Variants in SLC25A18 observed in about 807,000 individuals in gnomAD.
SLC25A18 encodes mitochondrial glutamate carrier 2.
Under a neutral mutation model 31.1 loss-of-function variants are expected in SLC25A18, and 24 were observed. The observed-to-expected ratio is 0.77, with a 90% CI of 0.56 to 1.08. SLC25A18 has a LOEUF of 1.08. Among genes scored for constraint, SLC25A18 ranks in the 50% least tolerant of loss-of-function variants. SLC25A18 has a pLI of 0.00. For synonymous variants in SLC25A18, 173 were observed against 161.9 expected (o/e 1.07, Z -0.52); for missense variants, 371 against 418.5 (o/e 0.89, Z 0.99).
At chr22:17,577,572 CCTGT>C (rs533059006) in intron 2 of SLC25A18, among the ~76,000 whole-genome samples, 10 of 145,054 alleles carry the variant, frequency 6.9e-5, no homozygotes, top group African/African-American at 1.0e-4. Flanking sequence ...ACAGTTGTGT[CCTGT>C]CTATTTTTTT....
chr22:17,564,955 C>G (rs969399211), intron 1 of SLC25A18, among the ~76,000 whole-genome samples: 8 of 152,058 alleles, frequency 5.3e-5, no homozygotes, highest in Admixed American at 4.6e-4. Flanking sequence ...CACCTGTGAT[C>G]CCAGCTACTC....
chr22:17,570,108 T>C, intron 2 of SLC25A18, 122 bp downstream of exon 2: 4 of 694,876 alleles, frequency 5.8e-6, no homozygotes, highest in Non-Finnish European at 7.1e-6. Flanking sequence ...TCCCATTTGT[T>C]GGATAGAGTC....
intron 1 of SLC25A18, among the ~76,000 whole-genome samples, chr22:17,564,595 C>G (rs1377020247): frequency 1.3e-5 from 2 of 152,106 alleles, no homozygotes; most frequent in Non-Finnish European, 2.9e-5. Flanking sequence ...GGCGCGGTGG[C>G]TCACACCTGT....
intron 1 of SLC25A18, among the ~76,000 whole-genome samples, chr22:17,566,578 A>G (rs1296807): frequency 0.15 from 22,099 of 151,904 alleles, 1,807 homozygotes; most frequent in Non-Finnish European, 0.18. Context: ...ATGCCCAGTT[A>G]ATTTTGTATT....
intron 4 of SLC25A18, 53 bp from the exon 5 acceptor site, chr22:17,581,305 G>A: frequency 6.2e-7 from 1 of 1,610,202 alleles, no homozygotes; most frequent in Non-Finnish European, 8.5e-7. Flanking sequence ...AGGGCATGGA[G>A]GCGGCTGGGA....
At chr22:17,587,787 G>C in intron 8 of SLC25A18, 138 bp from the exon 9 acceptor site, 1 of 1,048,848 alleles carries the variant, frequency 9.5e-7, no homozygotes. Context: ...CCACGCTCAC[G>C]GGGCACAAAA....
intron 9 of SLC25A18, 70 bp from the exon 10 acceptor site, chr22:17,589,520 C>T (rs1024773739): frequency 8.4e-6 from 12 of 1,420,306 alleles, no homozygotes; most frequent in Non-Finnish European, 1.2e-5. Context: ...AGGGCCCAGC[C>T]CCTTAGTGTT....
At chr22:17,574,071 T>A (rs1002402963) in intron 2 of SLC25A18, among the ~76,000 whole-genome samples, 4 of 152,012 alleles carry the variant, frequency 2.6e-5, no homozygotes, top group Non-Finnish European at 4.4e-5. Flanking sequence ...TCTACAAAAA[T>A]TTTTTTTAAA....
intron 2 of SLC25A18, among the ~76,000 whole-genome samples, chr22:17,572,908 T>C (rs2057136389): frequency 6.6e-6 from 1 of 152,104 alleles, no homozygotes; most frequent in Non-Finnish European, 1.5e-5. Context: ...CCCGAAGTGC[T>C]GGGATTACAG....
At chr22:17,574,528 T>TA (rs1041265686) in intron 2 of SLC25A18, among the ~76,000 whole-genome samples, 34 of 151,440 alleles carry the variant, frequency 2.2e-4, no homozygotes, top group South Asian at 6.2e-4. Flanking sequence ...TTTTTATTTT[T>TA]TTTTTTGAGA....
rs757350188 is a variant in SLC25A18, at chr22:17,582,573, G to T, written c.210G>T (p.Val70=). ...GFFGMYRGAA[V]NLTLVTPEKA... The stretch of plus-strand genomic sequence containing the variant: ...GTCCTTCACTTCCAGGGGCTGCAGT[G>T]AACCTCACTCTGGTCACTCCAGAGA... The change falls in exon 6 of 11, where the codon GTG becomes GTT. Residue 70 remains valine (V), a synonymous_variant. Coordinates refer to ENST00000327451, the MANE Select transcript of SLC25A18 (RefSeq NM_031481.3). 7 of 1,597,932 alleles carry T rather than the reference G, an allele frequency of 4.4e-6. No homozygotes were observed. The highest frequency in any genetic ancestry group is 5.1e-6 in the Non-Finnish European group (6 of 1,171,308).
At chr22:17,586,098 C>T (rs911073860) in intron 7 of SLC25A18, among the ~76,000 whole-genome samples, 5 of 152,162 alleles carry the variant, frequency 3.3e-5, no homozygotes, top group Non-Finnish European at 7.3e-5. Context: ...TCTTGGAGGA[C>T]GAGCAGGAGG....
chr22:17,569,759 C>T (rs2057038801), intron 1 of SLC25A18, 165 bp from the exon 2 acceptor site: 6 of 985,360 alleles, frequency 6.1e-6, no homozygotes, highest in Non-Finnish European at 7.2e-6. Flanking sequence ...TGGATAGTAG[C>T]CTCTTTGGGT....
Position 17,587,114 on chromosome 22 carries a change from A to G in SLC25A18, c.410-22A>G, listed in dbSNP as rs1026199324. 2.5e-6 allele frequency: 4 copies of G among 1,611,476 alleles called. No homozygotes were observed. In the African/African-American group the frequency reaches 5.3e-5, roughly 22 times the overall value. Reference sequence around the variant, plus strand: ...AGCATCTGTTGGGGACCAGGTACTGATGTCTGTCCTTTCCCTTCCAGCCGT... The same window carrying G: ...AGCATCTGTTGGGGACCAGGTACTGGTGTCTGTCCTTTCCCTTCCAGCCGT... On this transcript the variant is annotated intron_variant, in intron 7 of 10. Transcript: ENST00000327451.
At chr22:17,568,394 TAAAG>T (rs903685081) in intron 1 of SLC25A18, among the ~76,000 whole-genome samples, 2 of 141,624 alleles carry the variant, frequency 1.4e-5, no homozygotes, top group African/African-American at 5.3e-5. Flanking sequence ...CAGATGAGAA[TAAAG>T]GAAGGAGGAA....
rs1487641349 is a variant in SLC25A18, at chr22:17,589,599, C to G, written c.740C>G (p.Thr247Ser). The G allele has an allele frequency of 6.2e-7, 1 of 1,614,058 alleles. No individual in the cohort carries two copies. Residue 247 changes from threonine to serine, a missense_variant, in exon 10 of 11, where the codon ACT becomes AGT. Physicochemically the swap from Thr to Ser is moderately conservative, Grantham distance 58 (BLOSUM62 1). Coordinates refer to ENST00000327451, the MANE Select transcript of SLC25A18 (RefSeq NM_031481.3). Reference sequence around the variant, plus strand: ...CTTTTACTTGATTTAGTTCTGAAAACTCGAATCCAAACCCTCAAGAAAGGC... The same window carrying G: ...CTTTTACTTGATTTAGTTCTGAAAAGTCGAATCCAAACCCTCAAGAAAGGC... Reference protein sequence around the residue: ...VAVTPLDVLKTRIQTLKKGLG... With the variant: ...VAVTPLDVLKSRIQTLKKGLG...
At chr22:17,577,274 A>G (rs1025565136) in intron 2 of SLC25A18, among the ~76,000 whole-genome samples, 2 of 152,052 alleles carry the variant, frequency 1.3e-5, no homozygotes, top group Non-Finnish European at 2.9e-5. Context: ...CGCCCGCCTC[A>G]GCCTCCCAAA....
intron 8 of SLC25A18, among the ~76,000 whole-genome samples, chr22:17,587,595 T>C (rs2057586850): frequency 6.6e-6 from 1 of 152,128 alleles, no homozygotes; most frequent in African/African-American, 2.4e-5. Flanking sequence ...ACCGCAGAGT[T>C]CATAGTAATG....
intron 2 of SLC25A18, among the ~76,000 whole-genome samples, chr22:17,579,289 G>A (rs936316262): frequency 5.3e-5 from 8 of 151,970 alleles, no homozygotes; most frequent in South Asian, 4.2e-4. Context: ...GTTTCACCAC[G>A]TTGCCCAGGC....
Sources: gnomAD v4.1 joint callset for allele counts (sites outside exome capture counted in the v4.1 genomes callset) on GRCh38, gnomAD v4.1.1 for gene constraint, MANE v1.5 for transcripts, NCBI Gene and HGNC (gene_info 2026-07-23, HGNC 2026-07-21) for gene names.